C2CD3: variants seen among roughly 807,000 people sequenced by gnomAD.
The protein encoded by C2CD3 is C2 domain containing 3 centriole elongation regulator.
A neutral mutation model predicts 234.0 loss-of-function variants in C2CD3; 148 were observed. The ratio of observed to expected loss-of-function variants is 0.63; its 90% CI spans 0.55 to 0.72. The LOEUF is 0.72. Ranked by LOEUF, C2CD3 falls within the 30% of genes least tolerant of loss-of-function variation. C2CD3 has a pLI of 0.00. For missense variants in C2CD3, 2,577 were observed against 2,811.5 expected (o/e 0.92, Z 1.89); for synonymous variants, 1,000 against 1,035.4 (o/e 0.97, Z 0.66).
At chr11:74,074,152 T>G in intron 24 of C2CD3, 101 bp downstream of exon 24, 122 of 789,562 alleles carry the variant, frequency 1.5e-4, no homozygotes, top group Non-Finnish European at 2.4e-4. Context: ...ATTTATCAGT[T>G]GAGATAATTA....
intron 12 of C2CD3, 126 bp from the exon 13 acceptor site, chr11:74,106,619 A>C: frequency 1.2e-6 from 1 of 821,128 alleles, no homozygotes; most frequent in Non-Finnish European, 1.9e-6. Context: ...TTAATTATCT[A>C]AGACAACTCT....
intron 24 of C2CD3, among the ~76,000 whole-genome samples, chr11:74,066,802 T>C (rs1209408781): frequency 6.6e-6 from 1 of 152,208 alleles, no homozygotes; most frequent in Non-Finnish European, 1.5e-5. Context: ...TACAGCACCA[T>C]GTCATAGACC....
chr11:74,153,571 A>G (rs907302760), intron 3 of C2CD3, among the ~76,000 whole-genome samples: 1 of 152,188 alleles, frequency 6.6e-6, no homozygotes, highest in Non-Finnish European at 1.5e-5. Context: ...GAAATATACC[A>G]TGTTCATGGA....
At chr11:74,055,801 C>T (rs980402584) in intron 25 of C2CD3, among the ~76,000 whole-genome samples, 2 of 152,182 alleles carry the variant, frequency 1.3e-5, no homozygotes, top group Admixed American at 1.3e-4. Context: ...TCTTCCAATC[C>T]TGCCTCTGTT....
At position 74,034,021 on chromosome 11, in the gene C2CD3, T is replaced by A; in HGVS notation, c.6139A>T (p.Met2047Leu). 1 of 1,536,556 alleles carries A rather than the reference T, an allele frequency of 6.5e-7. No individual in the cohort carries two copies. The highest frequency in any genetic ancestry group is 8.7e-7 in the Non-Finnish European group (1 of 1,146,986). Reference sequence around the variant, plus strand: ...GCCTCAGTGTCTTCACTGCTCTGCATCCTTGTAATGGGTACTGCATGCCTC... The same window carrying A: ...GCCTCAGTGTCTTCACTGCTCTGCAACCTTGTAATGGGTACTGCATGCCTC... ...SLRHAVPITR[M>L]QSSEDTEAGP... Residue 2047 changes from methionine to leucine, a missense_variant, in exon 31 of 33, where the codon ATG (methionine) becomes TTG (leucine). By Grantham distance (15) the Met-to-Leu change is conservative (BLOSUM62 2). Coordinates refer to ENST00000334126, the MANE Select transcript of C2CD3 (RefSeq NM_001286577.2).
intron 30 of C2CD3, chr11:74,034,496 T>G: frequency 3.8e-6 from 6 of 1,591,724 alleles, no homozygotes; most frequent in Non-Finnish European, 5.1e-6. Context: ...AATCTATAGT[T>G]GTGGATACAT....
intron 9 of C2CD3, 135 bp from the exon 10 acceptor site, chr11:74,114,728 G>T (rs1332718400): frequency 4.8e-6 from 3 of 630,392 alleles, no homozygotes; most frequent in Admixed American, 2.7e-5. Flanking sequence ...TTGACACAGG[G>T]TGTTGCTCTG....
At chr11:74,036,746 C>T (rs938250529) in intron 30 of C2CD3, among the ~76,000 whole-genome samples, 12 of 152,198 alleles carry the variant, frequency 7.9e-5, no homozygotes, top group African/African-American at 2.9e-4. Flanking sequence ...CTCTATTTCA[C>T]AGTAAGTGCC....
At chr11:74,101,993 T>A (rs1211112520) in intron 14 of C2CD3, among the ~76,000 whole-genome samples, 1 of 152,022 alleles carries the variant, frequency 6.6e-6, no homozygotes, top group Admixed American at 6.6e-5. Flanking sequence ...AAGGAGGCAA[T>A]GGACATAAAG....
intron 14 of C2CD3, 50 bp from the exon 15 acceptor site, chr11:74,100,726 A>T (rs1328237245): frequency 6.8e-7 from 1 of 1,471,856 alleles, no homozygotes; most frequent in African/African-American, 1.4e-5. Context: ...ACCTGAGACA[A>T]ATATTAATTT....
chr11:74,097,230 T>G (rs1030355736), intron 16 of C2CD3, among the ~76,000 whole-genome samples: 3 of 152,148 alleles, frequency 2.0e-5, no homozygotes, highest in Non-Finnish European at 2.9e-5. Flanking sequence ...TTGCTAAAAG[T>G]TATTTTCCTA....
intron 21 of C2CD3, 137 bp downstream of exon 21, chr11:74,085,481 A>T: frequency 1.3e-5 from 11 of 833,180 alleles, no homozygotes; most frequent in Admixed American, 1.1e-4. Flanking sequence ...ATTTTTTGCT[A>T]TATCTTTCAG....
chr11:74,143,251 C>T (rs946466215), intron 3 of C2CD3, among the ~76,000 whole-genome samples: 2 of 152,154 alleles, frequency 1.3e-5, no homozygotes, highest in Non-Finnish European at 2.9e-5. Flanking sequence ...ACTATATCTA[C>T]AACATGTATC....
intron 8 of C2CD3, among the ~76,000 whole-genome samples, chr11:74,119,491 A>G (rs1248436219): frequency 1.3e-5 from 2 of 152,140 alleles, no homozygotes; most frequent in Non-Finnish European, 2.9e-5. Flanking sequence ...TAAATTCAGG[A>G]CACAAACCCA....
chr11:74,054,779 A>G (rs954514486), intron 25 of C2CD3, 108 bp from the exon 26 acceptor site: 5 of 680,376 alleles, frequency 7.3e-6, no homozygotes, highest in Admixed American at 2.8e-5. Flanking sequence ...TCCCAACACT[A>G]TTTCATCTTC....
chr11:74,048,270 T>C lies in C2CD3; in HGVS notation c.5430A>G (p.Ala1810=). 6.2e-7 allele frequency: 1 copy of C among 1,613,794 alleles called. No individual in the cohort carries two copies. Among genetic ancestry groups the C allele is most frequent in the Non-Finnish European group, 8.5e-7 (1 of 1,179,838 alleles). Residue 1810 remains alanine, a synonymous_variant, in exon 28 of 33, where the codon GCA becomes GCG. Transcript: ENST00000334126. ...DTYAAFSSHM[A]RQTLDQLAHA... ...GAGCAAGTTGGTCTAGGGTCTGCCT[T>C]GCCATGTGGCTGGAGAATGCAGCAT...
At chr11:74,075,068 A>T (rs958066997) in intron 23 of C2CD3, among the ~76,000 whole-genome samples, 5 of 152,160 alleles carry the variant, frequency 3.3e-5, no homozygotes, top group African/African-American at 1.2e-4. Context: ...TGGGTGACAG[A>T]GCAAGACTCT....
chr11:74,018,564 T>C (rs561817717), intron 32 of C2CD3, among the ~76,000 whole-genome samples: 1 of 152,276 alleles, frequency 6.6e-6, no homozygotes, highest in Non-Finnish European at 1.5e-5. Flanking sequence ...TGCCAATGGA[T>C]TGCTGCATCA....
chr11:74,116,892 A>G (rs528520840), intron 9 of C2CD3, among the ~76,000 whole-genome samples: 12 of 123,282 alleles, frequency 9.7e-5, no homozygotes, highest in South Asian at 2.6e-4. Context: ...ACACACGTGT[A>G]TATATACACA....
Sources: gnomAD v4.1 joint callset for allele counts (sites outside exome capture counted in the v4.1 genomes callset) on GRCh38, gnomAD v4.1.1 for gene constraint, MANE v1.5 for transcripts, NCBI Gene and HGNC (gene_info 2026-07-23, HGNC 2026-07-21) for gene names.